TMEM129: variants seen among roughly 807,000 people sequenced by gnomAD.
The protein encoded by TMEM129 is E3 ubiquitin-protein ligase TM129.
Under a neutral mutation model 34.1 loss-of-function variants are expected in TMEM129, and 35 were observed. The ratio of observed to expected loss-of-function variants is 1.03; its 90% CI spans 0.78 to 1.36. TMEM129 has a LOEUF of 1.36. Among genes scored for constraint, TMEM129 ranks in the 40% most tolerant of loss-of-function variants. The probability of loss-of-function intolerance (pLI) is 0.00; values close to 1 mark genes in which losing one functional copy is unlikely to be tolerated. For synonymous variants in TMEM129, 239 were observed against 217.3 expected, an observed-to-expected ratio of 1.10 and a Z score of -0.88; for missense variants, 504 against 512.6, an observed-to-expected ratio of 0.98 and a Z score of 0.16.
chr4:1,718,519 A>G lies in TMEM129; in HGVS notation c.313T>C (p.Ser105Pro). Residue 105 changes from serine (S) to proline (P), a missense_variant, in exon 2 of 4, where the codon TCC becomes CCC. Transcript: ENST00000382936. ...TAGTAGATCAGGATGCAGGCGATGG[A>G]GGGGAGGGTCACGGCCAGCAGCAGG... ...LFLLLAVTLP[S>P]IACILIYYWS... 6.5e-7 allele frequency: 1 copy of G among 1,529,210 alleles called. No individual in the cohort carries two copies. Among genetic ancestry groups the G allele is most frequent in the Non-Finnish European group, 8.8e-7 (1 of 1,132,272 alleles). 94.7% of individuals were successfully genotyped at this position (1,529,210 alleles called of 1,614,324 possible).
rs1020815527 is a variant in TMEM129, at chr4:1,720,940, G to C, written c.-103C>G. 1 of 1,004,456 alleles carries C rather than the reference G, an allele frequency of 1.0e-6. No individual in the cohort carries two copies. Among genetic ancestry groups the C allele is most frequent in the Non-Finnish European group, 1.3e-6 (1 of 761,986 alleles). The allele number at this position is 1,004,456 out of a possible 1,614,324, so 62.2% of individuals were successfully genotyped here. Reference sequence around the variant, plus strand: ...CTGTCGGTTGCGGCGGCCGCCGCCCGGCCGCCCGCGGGGCACTCTAGGACA... The same window carrying C: ...CTGTCGGTTGCGGCGGCCGCCGCCCCGCCGCCCGCGGGGCACTCTAGGACA... On this transcript the variant is annotated 5_prime_UTR_variant, in exon 1 of 4. Coordinates refer to ENST00000382936, the MANE Select transcript of TMEM129 (RefSeq NM_001127266.2). The surrounding 1 kb of genome is among the most constrained non-coding windows in gnomAD (Gnocchi z 4.4).
In TMEM129 at chr4:1,718,049, G is replaced by A. The variant is rs888958348; in HGVS notation, c.680+103C>T. ...GTCACACAAGCCCAGGAGTGTTGGA[G>A]TCCACACCAGCTACACCCAGCACCT... On this transcript the variant is annotated intron_variant, in intron 2 of 3. Transcript: ENST00000382936. 1.1e-5 allele frequency: 12 copies of A among 1,111,024 alleles called. No individual in the cohort carries two copies. The African/African-American group carries it at 1.4e-4, about 13-fold the overall frequency. The allele number at this position is 1,111,024 out of a possible 1,614,324, so 68.8% of individuals were successfully genotyped here. A position where few individuals can be genotyped will look rare whatever the true frequency, so the allele number is the denominator to read the frequency against.
chr4:1,717,571 TCCAGGAACAGGTCG>T lies in TMEM129; in HGVS notation c.771_784del (p.Leu259IlefsTer74). On this transcript the variant is annotated frameshift_variant, in exon 3 of 4. Coordinates refer to ENST00000382936, the MANE Select transcript of TMEM129 (RefSeq NM_001127266.2). LOFTEE classifies it high-confidence loss of function. ...GACCTCTACCAGGGAGGCAAATGTC[TCCAGGAACAGGTCG>T]CCCAGGCTCTGGTGGATGACCACAT... 1 of 1,549,532 alleles carries T rather than the reference TCCAGGAACAGGTCG, an allele frequency of 6.5e-7. No individual in the cohort carries two copies. The highest frequency in any genetic ancestry group is 8.7e-7 in the Non-Finnish European group (1 of 1,146,236).
rs576296257 is a variant in TMEM129 at position 1,720,295 on chromosome 4, C to CTT, written c.205+337_205+338insAA. 1.1e-4 allele frequency among the ~76,000 whole-genome samples: 17 copies of CTT among 152,362 alleles called. No individual in the cohort carries two copies. The South Asian group carries it at 2.7e-3, about 24-fold the overall frequency. ...TCCGACCCCTTCCGTTGGACTCAATCAACAGTTGCCTTCTCCTGGCCACTG... is the reference window on the plus strand; with the variant it reads ...TCCGACCCCTTCCGTTGGACTCAATCTTAACAGTTGCCTTCTCCTGGCCACTG... On this transcript the variant is annotated intron_variant, in intron 1 of 3. Coordinates refer to ENST00000382936, the MANE Select transcript of TMEM129 (RefSeq NM_001127266.2). This position sits in a 1 kb window ranked among gnomAD's most constrained non-coding sequence, Gnocchi z 4.4.
At chr4:1,719,242 T>C (rs1191731153) in intron 1 of TMEM129, 3 of 459,398 alleles carry the variant, frequency 6.5e-6, no homozygotes, top group Middle Eastern at 3.2e-4. Context: ...CATTTCAAGG[T>C]AACATGACAT....
chr4:1,719,331 A>G lies in TMEM129; in HGVS notation c.206-705T>C, dbSNP rs931527593. ...CACTTTGGGAAGCCGAGGCGGACGGATCACGAGGTCAGATCGAGACCATCC... is the reference window on the plus strand; with the variant it reads ...CACTTTGGGAAGCCGAGGCGGACGGGTCACGAGGTCAGATCGAGACCATCC... On this transcript the variant is annotated intron_variant, in intron 1 of 3. Transcript: ENST00000382936. 1.2e-5 allele frequency: 5 copies of G among 427,494 alleles called. No individual in the cohort carries two copies. The East Asian group carries it at 3.6e-4, about 30-fold the overall frequency. 26.5% of individuals were successfully genotyped at this position (427,494 alleles called of 1,614,324 possible). A position where few individuals can be genotyped will look rare whatever the true frequency, so the allele number is the denominator to read the frequency against.
At chr4:1,719,944 G>A (rs3806769) in intron 1 of TMEM129, among the ~76,000 whole-genome samples, 1 of 152,302 alleles carries the variant, frequency 6.6e-6, no homozygotes, top group East Asian at 1.9e-4. Flanking sequence ...CCAGCCACTG[G>A]CCATCTGTCC....
In TMEM129 at chr4:1,720,986, G is replaced by C; in HGVS notation, c.-149C>G. On this transcript the variant is annotated 5_prime_UTR_variant, in exon 1 of 4. Transcript: ENST00000382936. The surrounding 1 kb of genome is among the most constrained non-coding windows in gnomAD (Gnocchi z 4.4). The stretch of plus-strand genomic sequence containing the variant: ...GGACATGGAGTCCCGCCGCCCGGCC[G>C]CCCGCGGGGCACTCTAGGACATGGA... The C allele has an allele frequency of 5.8e-6, 2 of 347,396 alleles. No homozygotes were observed. The highest frequency in any genetic ancestry group is 2.3e-4 in the South Asian group (2 of 8,534). 21.5% of individuals were successfully genotyped at this position (347,396 alleles called of 1,614,324 possible).
At chr4:1,719,096 C>T (rs1380847481) in intron 1 of TMEM129, 4 of 1,259,886 alleles carry the variant, frequency 3.2e-6, no homozygotes, top group East Asian at 1.1e-4. Context: ...GACACGGAGC[C>T]AGCTTCAGGG....
chr4:1,719,862 CCCAGGCAGCTGCATCCTCA>C (rs1473132425), intron 1 of TMEM129, among the ~76,000 whole-genome samples: 3 of 152,224 alleles, frequency 2.0e-5, no homozygotes, highest in African/African-American at 7.2e-5. Flanking sequence ...TTCTTCTGGG[CCCAGGCAGCTGCATCCTCA>C]AACCAGGATG....
rs1016696771 is a variant in TMEM129, at chr4:1,720,652, G to A, written c.186C>T (p.Cys62=). 6.5e-7 allele frequency: 1 copy of A among 1,545,016 alleles called. No individual in the cohort carries two copies. The highest frequency in any genetic ancestry group is 2.0e-5 in the Admixed American group (1 of 51,020). Residue 62 remains cysteine, a synonymous_variant, in exon 1 of 4, where the codon TGC becomes TGT. Coordinates refer to ENST00000382936, the MANE Select transcript of TMEM129 (RefSeq NM_001127266.2). This position sits in a 1 kb window ranked among gnomAD's most constrained non-coding sequence, Gnocchi z 4.4. ...HLRRTAATLL[C]HSLLPLGYYV... ...CCTCACCGAGCGGCAGCAGCGAGTG[G>A]CACAACAGCGTGGCGGCCGTGCGGC...
At position 1,718,284 on chromosome 4, in the gene TMEM129, T is replaced by C. The variant is rs1455250030; in HGVS notation, c.548A>G (p.Gln183Arg). Reference sequence around the variant, plus strand: ...CACAGTCAGGTGCACGTCCTGCTGCTGGGCCACGTGCACTCGGTAGGTGGT... The same window carrying C: ...CACAGTCAGGTGCACGTCCTGCTGCCGGGCCACGTGCACTCGGTAGGTGGT... ...KVTTYRVHVA[Q>R]QQDVHLTVTE... The change falls in exon 2 of 4, where the codon CAG (glutamine) becomes CGG (arginine). Residue 183 changes from glutamine (Q) to arginine (R), a missense_variant. Coordinates refer to ENST00000382936, the MANE Select transcript of TMEM129 (RefSeq NM_001127266.2). The C allele has an allele frequency of 1.2e-6, 2 of 1,612,816 alleles. No individual in the cohort carries two copies. Among genetic ancestry groups the C allele is most frequent in the South Asian group, 1.1e-5 (1 of 90,834 alleles).
rs750229161 is a variant in TMEM129, at chr4:1,720,698, G to A, written c.140C>T (p.Ala47Val). 2 of 1,554,712 alleles carry A rather than the reference G, an allele frequency of 1.3e-6. No individual in the cohort carries two copies. The highest frequency in any genetic ancestry group is 1.4e-5 in the African/African-American group (1 of 73,314). ...GCGGCGCAAGTGGAAGGGCACGAAG[G>A]CGGCGTCCTCGCTGCCCAGCCAGCC... ...LSGWLGSEDA[A>V]FVPFHLRRTA... is the part of the protein sequence containing the mutation. The change falls in exon 1 of 4, where the codon GCC becomes GTC. Residue 47 changes from alanine to valine, a missense_variant. By Grantham distance (64) the Ala-to-Val change is moderately conservative (BLOSUM62 0). Transcript: ENST00000382936. This position sits in a 1 kb window ranked among gnomAD's most constrained non-coding sequence, Gnocchi z 4.4.
At chr4:1,719,295 T>G (rs970303058) in intron 1 of TMEM129, 1 of 450,870 alleles carries the variant, frequency 2.2e-6, no homozygotes, top group Middle Eastern at 3.5e-4. Flanking sequence ...GGCTCACACC[T>G]GTAATCCCAG....
In TMEM129 at chr4:1,717,189, G is replaced by A. The variant is rs1281681904; in HGVS notation, c.1080C>T (p.Thr360=). Residue 360 remains threonine, a synonymous_variant, in exon 4 of 4, where the codon ACC becomes ACT. Transcript: ENST00000382936. ...CAAGGCCCCAGCCCACTCAGCGCAC[G>A]GTGCACACATCCAGGATGCAGAAGC... is the stretch of plus-strand genomic sequence containing the variant. ...RARFCILDVC[T]VR 13 of 1,457,412 alleles carry A rather than the reference G, an allele frequency of 8.9e-6. No homozygotes were observed. The highest frequency in any genetic ancestry group is 4.2e-5 in the African/African-American group (3 of 71,218). 90.3% of individuals were successfully genotyped at this position (1,457,412 alleles called of 1,614,324 possible). A position where few individuals can be genotyped will look rare whatever the true frequency, so the allele number is the denominator to read the frequency against.
rs1224172429 is a variant in TMEM129, at chr4:1,720,879, G to A, written c.-42C>T. ...AGCTGTCGAGCTAGGCCCCCGCCCC[G>A]GCGCGCGGACGAGGCCGCAGCGCCC... On this transcript the variant is annotated 5_prime_UTR_variant, in exon 1 of 4. Coordinates refer to ENST00000382936, the MANE Select transcript of TMEM129 (RefSeq NM_001127266.2). The surrounding 1 kb of genome is among the most constrained non-coding windows in gnomAD (Gnocchi z 4.4). 2.0e-6 allele frequency: 3 copies of A among 1,536,376 alleles called. No individual in the cohort carries two copies. The highest frequency in any genetic ancestry group is 1.2e-5 in the South Asian group (1 of 82,636).
intron 1 of TMEM129, 85 bp from the exon 2 acceptor site, chr4:1,718,711 C>T (rs1485815096): frequency 7.0e-7 from 1 of 1,423,804 alleles, no homozygotes; most frequent in Admixed American, 3.0e-5. Context: ...GGCCCTCTGC[C>T]CGGGTTCCAG....
Position 1,721,231 on chromosome 4 carries a change from C to T in TMEM129, c.-394G>A, listed in dbSNP as rs1456367521. The stretch of plus-strand genomic sequence containing the variant: ...ACAGGTGGGGAAACTTAGGCCTGAG[C>T]GAGGCCCTGGCCATGAAGCCCCGCC... On this transcript the variant is annotated 5_prime_UTR_variant, in exon 1 of 4. Transcript: ENST00000382936. 1.8e-5 allele frequency: 3 copies of T among 163,052 alleles called. No individual in the cohort carries two copies. The East Asian group carries it at 5.6e-4, about 30-fold the overall frequency. The allele number at this position is 163,052 out of a possible 1,614,324, so 10.1% of individuals were successfully genotyped here.
intron 1 of TMEM129, among the ~76,000 whole-genome samples, chr4:1,719,461 G>A (rs1276063498): frequency 6.6e-6 from 1 of 152,230 alleles, no homozygotes; most frequent in African/African-American, 2.4e-5. Context: ...CGAAGTTGCA[G>A]TGAGCCGAGA....
Sources: allele counts gnomAD v4.1 joint callset (sites outside exome capture counted in the v4.1 genomes callset), GRCh38; gene constraint gnomAD v4.1.1; non-coding constraint Gnocchi (gnomAD v3.1); transcripts MANE v1.5; gene names NCBI Gene and HGNC (gene_info 2026-07-23, HGNC 2026-07-21).